Variants in TBC1D14 observed in about 807,000 individuals in gnomAD.
TBC1D14 encodes TBC1 domain family, member 14.
In TBC1D14, 26 loss-of-function variants were observed where a neutral mutation model predicts 79.0. The observed-to-expected ratio is 0.33, with a 90% CI of 0.24 to 0.46. TBC1D14 has a LOEUF of 0.46. Ranked by LOEUF, TBC1D14 falls within the 20% of genes least tolerant of loss-of-function variation. The pLI is 1.00. For missense variants in TBC1D14, 769 were observed against 887.6 expected, an observed-to-expected ratio of 0.87 and a Z score of 1.70; for synonymous variants, 394 against 349.9, an observed-to-expected ratio of 1.13 and a Z score of -1.40.
chr4:7,030,670 AC>A lies in TBC1D14; in HGVS notation c.*279del. ...GAACGATGGGCAGTGGCTCACCCCCACTCCTTTATTTCAGCAAAAGCTAATT... is the reference window on the plus strand; with the variant it reads ...GAACGATGGGCAGTGGCTCACCCCCATCCTTTATTTCAGCAAAAGCTAATT... On this transcript the variant is annotated 3_prime_UTR_variant, in exon 14 of 14. Transcript: ENST00000409757. 1 of 324,376 alleles carries A rather than the reference AC, an allele frequency of 3.1e-6. No individual in the cohort carries two copies. The highest frequency in any genetic ancestry group is 4.3e-5 in the Admixed American group (1 of 23,412). 20.1% of individuals were successfully genotyped at this position (324,376 alleles called of 1,614,324 possible).
chr4:7,018,326 T>A (rs1203821302), intron 12 of TBC1D14, among the ~76,000 whole-genome samples: 1 of 152,122 alleles, frequency 6.6e-6, no homozygotes, highest in Non-Finnish European at 1.5e-5. Context: ...TGTGGCCAGC[T>A]CAGCGTCCTG....
chr4:6,933,128 A>T (rs1711919419), intron 2 of TBC1D14, among the ~76,000 whole-genome samples: 1 of 151,708 alleles, frequency 6.6e-6, no homozygotes, highest in South Asian at 2.1e-4. Context: ...AAAACCAGCA[A>T]CAAGGCTTCT....
At chr4:6,957,954 T>TTC (rs887448385) in intron 2 of TBC1D14, among the ~76,000 whole-genome samples, 4 of 151,662 alleles carry the variant, frequency 2.6e-5, no homozygotes, top group Non-Finnish European at 4.4e-5. Flanking sequence ...TGGCTTTTTT[T>TTC]TTTTTATGGG....
intron 11 of TBC1D14, among the ~76,000 whole-genome samples, chr4:7,011,787 A>G (rs1023412846): frequency 6.6e-6 from 1 of 151,426 alleles, no homozygotes; most frequent in Admixed American, 6.6e-5. Context: ...TGAACTCCTG[A>G]CCTCAAGTGA....
chr4:7,013,273 C>T (rs929000107), intron 11 of TBC1D14, among the ~76,000 whole-genome samples: 2 of 152,208 alleles, frequency 1.3e-5, no homozygotes, highest in African/African-American at 2.4e-5. Flanking sequence ...CAGCACCTGC[C>T]CCCGGTTATG....
intron 2 of TBC1D14, among the ~76,000 whole-genome samples, chr4:6,946,544 A>G (rs1713482650): frequency 6.6e-6 from 1 of 152,084 alleles, no homozygotes; most frequent in African/African-American, 2.4e-5. Context: ...GCTGGTCTCG[A>G]ACTCCTAACC....
intron 3 of TBC1D14, among the ~76,000 whole-genome samples, chr4:6,969,120 CACTAAGTAAA>C (rs1715989479): frequency 6.6e-6 from 1 of 152,156 alleles, no homozygotes; most frequent in Non-Finnish European, 1.5e-5. Context: ...CCAGGGGACT[CACTAAGTAAA>C]TCAGTGTTGG....
chr4:6,924,051 A>G lies in TBC1D14; in HGVS notation c.662A>G (p.His221Arg), dbSNP rs779641764. The change falls in exon 2 of 14, where the codon CAT becomes CGT. Residue 221 changes from histidine (H) to arginine (R), a missense_variant. Coordinates refer to ENST00000409757, the MANE Select transcript of TBC1D14 (RefSeq NM_020773.3). ...GGCTTACACCAGCAGGACTGTGTTC[A>G]TGAAGCTGAGGAGGGGAGTAAATTG... ...TRGLHQQDCV[H>R]EAEEGSKLKI... 9.9e-6 allele frequency: 16 copies of G among 1,613,998 alleles called. No homozygotes were observed. In the East Asian group the frequency reaches 2.0e-4, roughly 20 times the overall value.
At chr4:6,920,645 G>C (rs1486152266) in intron 1 of TBC1D14, among the ~76,000 whole-genome samples, 1 of 152,168 alleles carries the variant, frequency 6.6e-6, no homozygotes, top group Non-Finnish European at 1.5e-5. Flanking sequence ...TGGGGGTCAG[G>C]TGCCTATTAA....
At chr4:6,929,844 T>C (rs892261348) in intron 2 of TBC1D14, among the ~76,000 whole-genome samples, 1 of 152,176 alleles carries the variant, frequency 6.6e-6, no homozygotes, top group Non-Finnish European at 1.5e-5. Context: ...TGAGCTCAGC[T>C]TCTGGGCCAG....
chr4:6,931,081 A>T (rs567916002), intron 2 of TBC1D14, among the ~76,000 whole-genome samples: 1 of 152,050 alleles, frequency 6.6e-6, no homozygotes, highest in Admixed American at 6.5e-5. Context: ...TTGTATTTTG[A>T]ATAGAGACAG....
chr4:6,941,868 G>A (rs1712941723), intron 2 of TBC1D14, among the ~76,000 whole-genome samples: 1 of 152,176 alleles, frequency 6.6e-6, no homozygotes. Context: ...CCAGGTGTGT[G>A]TTTAGGTCCT....
chr4:7,025,034 C>T lies in TBC1D14; in HGVS notation c.1788C>T (p.Pro596=), dbSNP rs761268720. 4.3e-6 allele frequency: 7 copies of T among 1,614,084 alleles called. No homozygotes were observed. Among genetic ancestry groups the T allele is most frequent in the Non-Finnish European group, 5.1e-6 (6 of 1,180,042 alleles). The change falls in exon 13 of 14, where the codon CCC becomes CCT. Residue 596 remains proline (P), a synonymous_variant. Coordinates refer to ENST00000409757, the MANE Select transcript of TBC1D14 (RefSeq NM_020773.3). Reference sequence around the variant, plus strand: ...TTACCTTATATAGTAAATCTCTGCCCCTCGACCTGGCCTGTCGTATCTGGG... The same window carrying T: ...TTACCTTATATAGTAAATCTCTGCCTCTCGACCTGGCCTGTCGTATCTGGG... ...WIFTLYSKSL[P]LDLACRIWDV...
chr4:6,999,172 A>G lies in TBC1D14; in HGVS notation c.1133A>G (p.Asn378Ser), dbSNP rs1486858403. 2.5e-6 allele frequency: 4 copies of G among 1,614,044 alleles called. No individual in the cohort carries two copies. Among genetic ancestry groups the G allele is most frequent in the East Asian group, 2.2e-5 (1 of 44,904 alleles). ...ATTGGAAACGCTGTGCTCACCTGGAATAATGAGATCTTACCTAACTGGGAA... is the reference window on the plus strand; with the variant it reads ...ATTGGAAACGCTGTGCTCACCTGGAGTAATGAGATCTTACCTAACTGGGAA... ...ESIGNAVLTW[N>S]NEILPNWETM... Residue 378 changes from asparagine to serine, a missense_variant, in exon 6 of 14, where the codon AAT becomes AGT. Asn to Ser is a conservative substitution (Grantham distance 46, BLOSUM62 1). Around this residue, in one of 2 missense-constraint regions of TBC1D14, gnomAD observed 367 missense variants for 494.4 expected, o/e 0.74. Transcript: ENST00000409757.
At chr4:6,936,249 G>A (rs1712315322) in intron 2 of TBC1D14, among the ~76,000 whole-genome samples, 1 of 152,182 alleles carries the variant, frequency 6.6e-6, no homozygotes, top group African/African-American at 2.4e-5. Context: ...ACATGTATCT[G>A]CCGTGGCCGT....
chr4:6,945,299 A>G (rs1713321252), intron 2 of TBC1D14, among the ~76,000 whole-genome samples: 1 of 152,190 alleles, frequency 6.6e-6, no homozygotes, highest in Non-Finnish European at 1.5e-5. Flanking sequence ...ATACAGGAAC[A>G]AGAAGATAAT....
intron 1 of TBC1D14, among the ~76,000 whole-genome samples, chr4:6,917,061 C>T (rs550412445): frequency 1.3e-3 from 201 of 152,342 alleles, no homozygotes; most frequent in Non-Finnish European, 2.5e-3. Context: ...AGGCTGGTCA[C>T]TGCTCAGCTG....
At chr4:6,939,359 T>C (rs1712676194) in intron 2 of TBC1D14, among the ~76,000 whole-genome samples, 1 of 143,124 alleles carries the variant, frequency 7.0e-6, no homozygotes, top group South Asian at 2.5e-4. Context: ...TTGCTGTGTG[T>C]CGACTCCCAG....
chr4:6,939,396 G>A (rs935628841), intron 2 of TBC1D14, among the ~76,000 whole-genome samples: 4 of 151,288 alleles, frequency 2.6e-5, no homozygotes, highest in Admixed American at 2.6e-4. Context: ...CCTCTCATGC[G>A]CAATGCCACC....
Sources: allele counts gnomAD v4.1 joint callset (sites outside exome capture counted in the v4.1 genomes callset), GRCh38; gene constraint gnomAD v4.1.1; regional missense constraint gnomAD v4.1.1; transcripts MANE v1.5; gene names NCBI Gene and HGNC (gene_info 2026-07-23, HGNC 2026-07-21).